The following CTXND2 variants were observed in gnomAD, a reference collection of about 807,000 sequenced individuals.
The protein encoded by CTXND2 is cortexin domain containing 2.
intron 1 of CTXND2, among the ~76,000 whole-genome samples, chr1:150,892,899 C>G (rs1321242306): frequency 6.6e-6 from 1 of 152,050 alleles, no homozygotes; most frequent in Non-Finnish European, 1.5e-5. Context: ...ATTGATTTGT[C>G]AGTTTTCTCA....
exon 2 of CTXND2, chr1:150,912,573 C>A: frequency 2.5e-6 from 1 of 397,524 alleles, no homozygotes; most frequent in Non-Finnish European, 4.4e-6. Context: ...GTTTCTCAGC[C>A]TTCTCACTCT....
chr1:150,889,181 G>A (rs587642723), intron 1 of CTXND2, among the ~76,000 whole-genome samples: 5 of 152,084 alleles, frequency 3.3e-5, no homozygotes, highest in African/African-American at 1.2e-4. Context: ...AAGCCGAAGC[G>A]GGCGGATCAC....
At chr1:150,896,239 G>A (rs900572482) in intron 1 of CTXND2, among the ~76,000 whole-genome samples, 1 of 152,142 alleles carries the variant, frequency 6.6e-6, no homozygotes, top group Non-Finnish European at 1.5e-5. Context: ...AAGAAAGGCA[G>A]GGTTAAGAAA....
intron 1 of CTXND2, chr1:150,904,077 G>A: frequency 1.5e-6 from 1 of 664,722 alleles, no homozygotes; most frequent in Non-Finnish European, 2.8e-6. Flanking sequence ...ATCATCTGGG[G>A]AGAGGATACG....
At chr1:150,900,827 T>C (rs986383682) in intron 1 of CTXND2, among the ~76,000 whole-genome samples, 4 of 152,102 alleles carry the variant, frequency 2.6e-5, no homozygotes, top group Admixed American at 2.6e-4. Context: ...ATAAAATATA[T>C]AACTGTTAAA....
exon 2 of CTXND2, chr1:150,912,457 C>A: frequency 2.5e-6 from 1 of 398,612 alleles, no homozygotes; most frequent in Non-Finnish European, 4.4e-6. Context: ...GCCAGCTCCA[C>A]AACCACAGAA....
chr1:150,900,778 A>G (rs1300736122), intron 1 of CTXND2, among the ~76,000 whole-genome samples: 1 of 152,226 alleles, frequency 6.6e-6, no homozygotes. Context: ...CCACACATTC[A>G]ATAGAAAAAG....
intron 1 of CTXND2, among the ~76,000 whole-genome samples, chr1:150,893,728 G>A (rs1668880694): frequency 6.6e-6 from 1 of 151,918 alleles, no homozygotes; most frequent in African/African-American, 2.4e-5. Flanking sequence ...CAAAATGCTG[G>A]GATTACAGGT....
In CTXND2 at chr1:150,903,909, A is replaced by T. The variant is rs1669089177; in HGVS notation, c.-73-8333A>T. On this transcript the variant is annotated intron_variant, in intron 1 of 1. Coordinates refer to ENST00000636087, the Ensembl canonical transcript of CTXND2. ...AGAGAATTAAATATGGGTGATGTTGAGAAAGGCAAGAAGATTTTTGTTCAG... is the reference window on the plus strand; with the variant it reads ...AGAGAATTAAATATGGGTGATGTTGTGAAAGGCAAGAAGATTTTTGTTCAG... 7.9e-6 allele frequency: 5 copies of T among 634,802 alleles called. No individual in the cohort carries two copies. The African/African-American group carries it at 9.0e-5, about 11-fold the overall frequency. The allele number at this position is 634,802 out of a possible 1,614,324, so 39.3% of individuals were successfully genotyped here. A position where few individuals can be genotyped will look rare whatever the true frequency, so the allele number is the denominator to read the frequency against.
At chr1:150,894,146 G>A (rs1219170462) in intron 1 of CTXND2, among the ~76,000 whole-genome samples, 2 of 151,934 alleles carry the variant, frequency 1.3e-5, no homozygotes, top group African/African-American at 4.8e-5. Flanking sequence ...TATATTAAAT[G>A]TCACTTACAG....
chr1:150,909,765 C>T (rs1571606917), intron 1 of CTXND2, among the ~76,000 whole-genome samples: 4 of 152,072 alleles, frequency 2.6e-5, no homozygotes, highest in Admixed American at 2.6e-4. Context: ...AATACCTGCC[C>T]CTGAGATGAC....
chr1:150,889,316 C>T (rs1171351629), intron 1 of CTXND2, among the ~76,000 whole-genome samples: 2 of 148,342 alleles, frequency 1.3e-5, no homozygotes, highest in Non-Finnish European at 3.0e-5. Flanking sequence ...AGGAGAATGG[C>T]GTGAACCCGG....
intron 1 of CTXND2, among the ~76,000 whole-genome samples, chr1:150,896,078 G>A (rs755351708): frequency 2.6e-5 from 4 of 152,178 alleles, no homozygotes; most frequent in Admixed American, 6.5e-5. Flanking sequence ...CGGAGAATCC[G>A]TTCCTGTTGC....
At chr1:150,891,401 G>A (rs1668848153) in intron 1 of CTXND2, among the ~76,000 whole-genome samples, 3 of 152,040 alleles carry the variant, frequency 2.0e-5, no homozygotes, top group Admixed American at 2.0e-4. Flanking sequence ...TTTTAGTAGA[G>A]ACAGGGTTTC....
chr1:150,912,099 CTT>C (rs1385535708), intron 1 of CTXND2, 141 bp from the exon 2 acceptor site: 1 of 370,130 alleles, frequency 2.7e-6, no homozygotes, highest in Non-Finnish European at 4.8e-6. Flanking sequence ...TCTATATTAA[CTT>C]TATCAGTTTT....
chr1:150,910,284 C>T (rs1288125259), intron 1 of CTXND2, among the ~76,000 whole-genome samples: 1 of 151,610 alleles, frequency 6.6e-6, no homozygotes, highest in Non-Finnish European at 1.5e-5. Flanking sequence ...TGTGTGCTAC[C>T]ACACCCAGCT....
At chr1:150,887,697 G>GT (rs1464570278) in intron 1 of CTXND2, among the ~76,000 whole-genome samples, 1 of 151,932 alleles carries the variant, frequency 6.6e-6, no homozygotes, top group African/African-American at 2.4e-5. Context: ...AAGGATTATA[G>GT]TAAAAAAAAG....
intron 1 of CTXND2, among the ~76,000 whole-genome samples, chr1:150,894,731 C>A (rs952990539): frequency 9.9e-5 from 15 of 152,090 alleles, no homozygotes; most frequent in African/African-American, 3.6e-4. Flanking sequence ...TTAATCCTCT[C>A]TATCCTTAAT....
intron 1 of CTXND2, among the ~76,000 whole-genome samples, chr1:150,908,049 C>G (rs1459904445): frequency 2.8e-5 from 4 of 145,410 alleles, no homozygotes; most frequent in African/African-American, 5.1e-5. Flanking sequence ...CACTCTGTCA[C>G]TCAGGCTGGA....
Sources: gnomAD v4.1 joint callset for allele counts (sites outside exome capture counted in the v4.1 genomes callset) on GRCh38, gnomAD v4.1.1 for gene constraint, MANE v1.5 for transcripts, NCBI Gene and HGNC (gene_info 2026-07-23, HGNC 2026-07-21) for gene names.